Variants in NSUN4 observed in about 807,000 individuals in gnomAD.
The protein encoded by NSUN4 is 5-cytosine rRNA methyltransferase NSUN4.
NSUN4 carries 31 observed loss-of-function variants against 43.8 expected under a neutral mutation model. That is an observed-to-expected ratio of 0.71 (90% CI 0.53 to 0.96). The LOEUF is 0.96. Ranked by LOEUF, NSUN4 falls within the 40% of genes least tolerant of loss-of-function variation. The pLI is 0.00. For missense variants in NSUN4, 439 were observed against 475.6 expected (o/e 0.92, Z 0.72); for synonymous variants, 167 against 184.1 (o/e 0.91, Z 0.75).
chr1:46,356,324 G>GC (rs932797408), intron 4 of NSUN4, among the ~76,000 whole-genome samples: 1 of 151,202 alleles, frequency 6.6e-6, no homozygotes, highest in African/African-American at 2.4e-5. Context: ...TCCTGCCTCA[G>GC]CCCCCCAAAG....
chr1:46,346,150 C>CAAAA (rs745954011), intron 2 of NSUN4, among the ~76,000 whole-genome samples: 49 of 86,034 alleles, frequency 5.7e-4, no homozygotes, highest in East Asian at 2.5e-3. Context: ...GACTCTGTCT[C>CAAAA]AAAAAAAAAA....
At position 46,345,096 on chromosome 1, in the gene NSUN4, G is replaced by A. The variant is rs750495121; in HGVS notation, c.389G>A (p.Arg130Gln). ...TCCTGGGCCTGCAGTCCGAACCTTC[G>A]ATGCTTCACTTTTGACAGAGGGGAT... ...PASWACSPNL[R>Q]CFTFDRGDIS... is the part of the protein sequence containing the mutation. The change falls in exon 2 of 6, where the codon CGA becomes CAA. Residue 130 changes from arginine to glutamine, a missense_variant. By Grantham distance (43) the Arg-to-Gln change is conservative (BLOSUM62 1). Transcript: ENST00000474844. 5 of 1,613,778 alleles carry A rather than the reference G, an allele frequency of 3.1e-6. No homozygotes were observed. The highest frequency in any genetic ancestry group is 2.7e-5 in the African/African-American group (2 of 75,012).
Position 46,361,749 on chromosome 1 carries a change from GT to G in NSUN4, c.1061del (p.Phe354SerfsTer11). Reference protein sequence around the residue: ...HFRRVFMDTFCFFSSCQVGEL... With the variant: ...HFRRVFMDTFXFFSSCQVGEL... ...CGAAGGGTTTTCATGGACACATTTTGTTTCTTCTCATCCTGTCAGGTTGGGG... is the reference window on the plus strand; with the variant it reads ...CGAAGGGTTTTCATGGACACATTTTGTTCTTCTCATCCTGTCAGGTTGGGG... On this transcript the variant is annotated frameshift_variant, in exon 6 of 6. Coordinates refer to ENST00000474844, the MANE Select transcript of NSUN4 (RefSeq NM_199044.4). LOFTEE classifies it high-confidence loss of function. The G allele has an allele frequency of 6.2e-7, 1 of 1,614,204 alleles. No homozygotes were observed.
chr1:46,353,636 C>T lies in NSUN4; in HGVS notation c.753+608C>T, dbSNP rs187909314. ...GATTACAAGCGCCCACCACCACGCCCGGCTAATTTTTGTATTTTTTTTAGT... is the reference window on the plus strand; with the variant it reads ...GATTACAAGCGCCCACCACCACGCCTGGCTAATTTTTGTATTTTTTTTAGT... On this transcript the variant is annotated intron_variant, in intron 4 of 5. Coordinates refer to ENST00000474844, the MANE Select transcript of NSUN4 (RefSeq NM_199044.4). 1.9e-3 allele frequency among the ~76,000 whole-genome samples: 284 copies of T among 152,122 alleles called. 1 individual carries two copies. Among genetic ancestry groups the T allele is most frequent in the African/African-American group, 4.3e-3 (179 of 41,512 alleles).
the NSUN4 span, among the ~76,000 whole-genome samples, chr1:46,372,063 TTC>T: frequency 6.6e-6 from 1 of 152,078 alleles, no homozygotes; most frequent in Non-Finnish European, 1.5e-5. Flanking sequence ...TGATAATCCC[TTC>T]TCTCTGTACT....
Position 46,344,925 on chromosome 1 carries a change from A to G in NSUN4, c.218A>G (p.Tyr73Cys), listed in dbSNP as rs777643740. The G allele has an allele frequency of 1.2e-6, 2 of 1,614,172 alleles. No homozygotes were observed. Among genetic ancestry groups the G allele is most frequent in the Non-Finnish European group, 1.7e-6 (2 of 1,180,002 alleles). The change falls in exon 2 of 6, where the codon TAT (tyrosine) becomes TGT (cysteine). Residue 73 changes from tyrosine (Y) to cysteine (C), a missense_variant. Physicochemically the swap from Tyr to Cys is radical, Grantham distance 194. Coordinates refer to ENST00000474844, the MANE Select transcript of NSUN4 (RefSeq NM_199044.4). Reference sequence around the variant, plus strand: ...GTCAGTCTCCTCTCAGAGCAGAAGTATGGTGCACTGGTCAATAACTTTGCT... The same window carrying G: ...GTCAGTCTCCTCTCAGAGCAGAAGTGTGGTGCACTGGTCAATAACTTTGCT... ...IRVSLLSEQK[Y>C]GALVNNFAAW...
rs759329088 is a variant in NSUN4 at position 46,361,656 on chromosome 1, A to G, written c.965A>G (p.Gln322Arg). The G allele has an allele frequency of 1.2e-6, 2 of 1,614,174 alleles. No individual in the cohort carries two copies. The highest frequency in any genetic ancestry group is 1.7e-6 in the Non-Finnish European group (2 of 1,180,004). Reference protein sequence around the residue: ...LSHLQNEYVVQGAIELLANQY... With the variant: ...LSHLQNEYVVRGAIELLANQY... ...CACTTACAGAACGAGTATGTGGTGC[A>G]AGGTGCCATTGAGCTCCTGGCCAAT... Residue 322 changes from glutamine to arginine, a missense_variant, in exon 6 of 6, where the codon CAA (glutamine) becomes CGA (arginine). Physicochemically the swap from Gln to Arg is conservative, Grantham distance 43. Coordinates refer to ENST00000474844, the MANE Select transcript of NSUN4 (RefSeq NM_199044.4).
At chr1:46,352,772 C>T in intron 3 of NSUN4, 96 bp from the exon 4 acceptor site, 1 of 1,206,220 alleles carries the variant, frequency 8.3e-7, no homozygotes, top group African/African-American at 1.5e-5. Flanking sequence ...TTTGCATTGG[C>T]TGGGACTACC....
chr1:46,366,024 A>T (rs1188383340), downstream of NSUN4, among the ~76,000 whole-genome samples: 2 of 152,120 alleles, frequency 1.3e-5, no homozygotes, highest in Non-Finnish European at 2.9e-5. Context: ...GCTACTTGGG[A>T]GACTAAGGCA....
At chr1:46,360,948 A>G in intron 5 of NSUN4, 120 bp downstream of exon 5, 4 of 1,112,310 alleles carry the variant, frequency 3.6e-6, no homozygotes, top group Non-Finnish European at 5.3e-6. Flanking sequence ...AGATCTGCCT[A>G]GAGGAGACAG....
At position 46,342,403 on chromosome 1, in the gene NSUN4, C is replaced by T. The variant is rs760945689; in HGVS notation, c.93+1484C>T. On this transcript the variant is annotated intron_variant, in intron 1 of 5. Coordinates refer to ENST00000474844, the MANE Select transcript of NSUN4 (RefSeq NM_199044.4). ...CCTCAGGAGGGCTCTTATCATTACTCCCATCTTTCCTCAGAGGCCTACATA... is the reference window on the plus strand; with the variant it reads ...CCTCAGGAGGGCTCTTATCATTACTTCCATCTTTCCTCAGAGGCCTACATA... The T allele has an allele frequency of 8.6e-4, 344 of 399,106 alleles. 2 individuals carry two copies. The highest frequency in any genetic ancestry group is 1.3e-3 in the Non-Finnish European group (305 of 226,128). 24.7% of individuals were successfully genotyped at this position (399,106 alleles called of 1,614,324 possible).
At chr1:46,357,371 C>T (rs906081726) in intron 4 of NSUN4, among the ~76,000 whole-genome samples, 9 of 152,220 alleles carry the variant, frequency 5.9e-5, no homozygotes, top group South Asian at 2.1e-4. Flanking sequence ...TTTGTGGAGA[C>T]GGGGTTTTGT....
intron 1 of NSUN4, chr1:46,342,759 T>A (rs572640617): frequency 2.5e-6 from 1 of 393,040 alleles, no homozygotes. Flanking sequence ...CCAACCGAAG[T>A]CCCCTAAGTC....
At chr1:46,372,583 C>A in the NSUN4 span, among the ~76,000 whole-genome samples, 1 of 152,194 alleles carries the variant, frequency 6.6e-6, no homozygotes, top group South Asian at 2.1e-4. Flanking sequence ...CATGCAGCAA[C>A]CTGAATGCTT....
At chr1:46,359,260 A>G (rs7532149) in intron 4 of NSUN4, among the ~76,000 whole-genome samples, 90 of 151,880 alleles carry the variant, frequency 5.9e-4, no homozygotes, top group Non-Finnish European at 1.1e-3. Flanking sequence ...ACTCCATCCC[A>G]AAAACAAACA....
At chr1:46,379,360 T>C in the NSUN4 span, among the ~76,000 whole-genome samples, 1 of 152,130 alleles carries the variant, frequency 6.6e-6, no homozygotes, top group Non-Finnish European at 1.5e-5. Flanking sequence ...CTCACACCTG[T>C]AATCCCAGCA....
chr1:46,341,746 C>A (rs568966616), intron 1 of NSUN4: 9 of 1,231,704 alleles, frequency 7.3e-6, no homozygotes, highest in East Asian at 6.3e-5. Flanking sequence ...CACTCGGGTT[C>A]CCCACTCTCC....
intron 4 of NSUN4, among the ~76,000 whole-genome samples, chr1:46,358,909 C>A (rs1297756448): frequency 2.0e-5 from 3 of 152,174 alleles, no homozygotes; most frequent in African/African-American, 7.2e-5. Context: ...CCCCTTCTCA[C>A]TCCTGCTCTT....
chr1:46,369,303 C>A (rs1443340875), downstream of NSUN4, among the ~76,000 whole-genome samples: 1 of 152,076 alleles, frequency 6.6e-6, no homozygotes, highest in Non-Finnish European at 1.5e-5. Flanking sequence ...CATCCCTAAC[C>A]CCCAAGTACC....
Sources: allele counts gnomAD v4.1 joint callset (sites outside exome capture counted in the v4.1 genomes callset), GRCh38; gene constraint gnomAD v4.1.1; transcripts MANE v1.5; gene names NCBI Gene and HGNC (gene_info 2026-07-23, HGNC 2026-07-21).